Variants in CNTNAP2 observed in about 807,000 individuals in gnomAD.
CNTNAP2 encodes the protein contactin associated protein 2, also known as contactin-associated protein-like 2.
Under a neutral mutation model 155.2 loss-of-function variants are expected in CNTNAP2, and 98 were observed. The observed-to-expected ratio is 0.63, with a 90% CI of 0.54 to 0.75. The LOEUF (loss-of-function observed/expected upper bound fraction) is 0.75, where lower values mean the gene tolerates loss of function less well. Among genes scored for constraint, CNTNAP2 ranks in the 30% least tolerant of loss-of-function variants. The pLI is 0.00. For synonymous variants in CNTNAP2, 651 were observed against 631.2 expected (o/e 1.03, Z -0.47); for missense variants, 1,727 against 1,688.1 (o/e 1.02, Z -0.40).
chr7:146,235,715 C>T (rs919604316), intron 1 of CNTNAP2, among the ~76,000 whole-genome samples: 1 of 151,942 alleles, frequency 6.6e-6, no homozygotes, highest in Non-Finnish European at 1.5e-5. Context: ...AACTCTCAGC[C>T]CGTTGGAAGT....
chr7:147,810,360 C>T (rs1195419516), intron 13 of CNTNAP2, among the ~76,000 whole-genome samples: 1 of 151,806 alleles, frequency 6.6e-6, no homozygotes, highest in Non-Finnish European at 1.5e-5. Flanking sequence ...AAGAAATCTA[C>T]TTTCTCCCTT....
chr7:148,046,890 A>G, intron 15 of CNTNAP2, among the ~76,000 whole-genome samples: 1 of 152,216 alleles, frequency 6.6e-6, no homozygotes. Flanking sequence ...CTGAAAGAGT[A>G]TATAGTATTT....
chr7:146,900,061 T>C (rs764145999), intron 3 of CNTNAP2, among the ~76,000 whole-genome samples: 2 of 152,244 alleles, frequency 1.3e-5, no homozygotes, highest in East Asian at 1.9e-4. Flanking sequence ...TTCACCATTA[T>C]GTAATTCAAG....
chr7:147,322,760 A>T (rs1381028614), intron 9 of CNTNAP2, among the ~76,000 whole-genome samples: 1 of 142,406 alleles, frequency 7.0e-6, no homozygotes, highest in African/African-American at 2.7e-5. Flanking sequence ...AGCTCCTGTT[A>T]TTGGTCTATT....
At chr7:148,345,024 G>A (rs1798296894) in intron 21 of CNTNAP2, among the ~76,000 whole-genome samples, 3 of 152,326 alleles carry the variant, frequency 2.0e-5, no homozygotes, top group Middle Eastern at 3.4e-3. Flanking sequence ...TTCTTCGAAT[G>A]TTATCAGTTA....
intron 13 of CNTNAP2, among the ~76,000 whole-genome samples, chr7:147,785,744 C>T (rs1270824207): frequency 6.6e-6 from 1 of 152,234 alleles, no homozygotes; most frequent in Non-Finnish European, 1.5e-5. Flanking sequence ...GTAATCCCAG[C>T]ACTTTGGGAG....
At chr7:147,503,823 T>G (rs916610478) in intron 11 of CNTNAP2, among the ~76,000 whole-genome samples, 1 of 152,182 alleles carries the variant, frequency 6.6e-6, no homozygotes, top group Non-Finnish European at 1.5e-5. Flanking sequence ...CTAAGTTAAC[T>G]ATTCTGTCTC....
chr7:148,395,752 G>C (rs986708050), intron 22 of CNTNAP2, among the ~76,000 whole-genome samples: 6 of 152,114 alleles, frequency 3.9e-5, no homozygotes, highest in African/African-American at 1.4e-4. Context: ...CCGTGTCAGG[G>C]GCTGCCTTTA....
At chr7:147,250,391 T>TA (rs143001854) in intron 8 of CNTNAP2, among the ~76,000 whole-genome samples, 21,068 of 151,884 alleles carry the variant, frequency 0.14, 1,606 homozygotes, top group Middle Eastern at 0.17. Flanking sequence ...CTTTTTATAA[T>TA]AAAAAAAATG....
intron 13 of CNTNAP2, among the ~76,000 whole-genome samples, chr7:147,748,398 T>C (rs1411053272): frequency 6.6e-6 from 1 of 152,156 alleles, no homozygotes; most frequent in African/African-American, 2.4e-5. Flanking sequence ...ATATGAGAGT[T>C]GAAAGGTAAG....
intron 1 of CNTNAP2, among the ~76,000 whole-genome samples, chr7:146,304,599 C>T (rs970139053): frequency 1.3e-5 from 2 of 152,050 alleles, no homozygotes; most frequent in African/African-American, 4.8e-5. Flanking sequence ...ATATTGGCCC[C>T]CACTCTCTGC....
At chr7:148,401,144 G>A (rs558092031) in intron 22 of CNTNAP2, among the ~76,000 whole-genome samples, 28 of 152,268 alleles carry the variant, frequency 1.8e-4, no homozygotes, top group Non-Finnish European at 3.8e-4. Context: ...AGGGCCAGCT[G>A]GATAGCTGCT....
Position 148,409,491 on chromosome 7 carries a change from G to A in CNTNAP2, c.3796+20G>A, listed in dbSNP as rs768830653. 6.3e-7 allele frequency: 1 copy of A among 1,593,444 alleles called. No individual in the cohort carries two copies. The highest frequency in any genetic ancestry group is 1.7e-5 in the Admixed American group (1 of 59,990). Reference sequence around the variant, plus strand: ...TTGGAGGTAGGTGATGTCTAGAGGAGGCTTATATGGGGCTACTCAACTATG... The same window carrying A: ...TTGGAGGTAGGTGATGTCTAGAGGAAGCTTATATGGGGCTACTCAACTATG... On this transcript the variant is annotated intron_variant, in intron 23 of 23. Coordinates refer to ENST00000361727, the MANE Select transcript of CNTNAP2 (RefSeq NM_014141.6).
intron 1 of CNTNAP2, among the ~76,000 whole-genome samples, chr7:146,206,532 C>A (rs551974540): frequency 6.6e-6 from 1 of 151,924 alleles, no homozygotes; most frequent in Admixed American, 6.6e-5. Flanking sequence ...ACATTAATTT[C>A]TTGTGTGATA....
intron 8 of CNTNAP2, among the ~76,000 whole-genome samples, chr7:147,230,943 C>T (rs1295377932): frequency 6.6e-6 from 1 of 152,292 alleles, no homozygotes; most frequent in Middle Eastern, 3.4e-3. Flanking sequence ...AAGGGAAGAG[C>T]TTTAATTGGC....
chr7:146,578,132 T>C (rs1278215537), intron 1 of CNTNAP2, among the ~76,000 whole-genome samples: 1 of 152,176 alleles, frequency 6.6e-6, no homozygotes, highest in African/African-American at 2.4e-5. Context: ...AAAGTATCGC[T>C]AAGTTATTTT....
chr7:147,918,460 T>A (rs997661375), intron 14 of CNTNAP2, among the ~76,000 whole-genome samples: 1 of 151,692 alleles, frequency 6.6e-6, no homozygotes, highest in African/African-American at 2.4e-5. Context: ...ATCATCCAAG[T>A]CAGTTTTTAA....
chr7:146,918,735 G>C (rs1470602433), intron 3 of CNTNAP2, among the ~76,000 whole-genome samples: 1 of 152,172 alleles, frequency 6.6e-6, no homozygotes, highest in Admixed American at 6.5e-5. Flanking sequence ...TCCCCAGCAA[G>C]GTCAGGGAAG....
intron 1 of CNTNAP2, among the ~76,000 whole-genome samples, chr7:146,344,843 C>T (rs1794795880): frequency 6.6e-6 from 1 of 152,078 alleles, no homozygotes; most frequent in Non-Finnish European, 1.5e-5. Flanking sequence ...TAGTTACATA[C>T]CTTAAGAACA....
Sources: gnomAD v4.1 joint callset for allele counts (sites outside exome capture counted in the v4.1 genomes callset) on GRCh38, gnomAD v4.1.1 for gene constraint, MANE v1.5 for transcripts, NCBI Gene and HGNC (gene_info 2026-07-23, HGNC 2026-07-21) for gene names.